ERI3: variants seen among roughly 807,000 people sequenced by gnomAD.
ERI3 encodes the protein ERI1 exoribonuclease family member 3.
ERI3 carries 18 observed loss-of-function variants against 44.4 expected under a neutral mutation model. That is an observed-to-expected ratio of 0.41 (90% confidence interval 0.28 to 0.60). The LOEUF (loss-of-function observed/expected upper bound fraction) is 0.60, where lower values mean the gene tolerates loss of function less well. Among genes scored for constraint, ERI3 ranks in the 20% least tolerant of loss-of-function variants. ERI3 has a pLI of 0.36. For missense variants in ERI3, 294 were observed against 435.5 expected, an observed-to-expected ratio of 0.68 and a Z score of 2.89; for synonymous variants, 183 against 164.8, an observed-to-expected ratio of 1.11 and a Z score of -0.84.
chr1:44,269,094 T>C (rs1645042237), intron 7 of ERI3, among the ~76,000 whole-genome samples: 1 of 152,124 alleles, frequency 6.6e-6, no homozygotes, highest in African/African-American at 2.4e-5. Flanking sequence ...GACATTGTAG[T>C]TGGTAAGGGT....
chr1:44,279,628 C>A (rs1350588931), intron 7 of ERI3, among the ~76,000 whole-genome samples: 2 of 152,186 alleles, frequency 1.3e-5, no homozygotes, highest in Non-Finnish European at 2.9e-5. Context: ...ATATGCCCCA[C>A]AATGACTTCA....
chr1:44,269,433 C>T (rs1375019372), intron 7 of ERI3, among the ~76,000 whole-genome samples: 2 of 152,352 alleles, frequency 1.3e-5, no homozygotes, highest in East Asian at 3.9e-4. Context: ...GACCACAAAT[C>T]CCATACTGGC....
chr1:44,230,955 T>C (rs1644169296), intron 8 of ERI3, among the ~76,000 whole-genome samples: 1 of 152,264 alleles, frequency 6.6e-6, no homozygotes, highest in Non-Finnish European at 1.5e-5. Flanking sequence ...TCCAAAGTGC[T>C]TGGAGACCAG....
At chr1:44,299,043 G>A (rs1049171242) in intron 6 of ERI3, among the ~76,000 whole-genome samples, 6 of 152,208 alleles carry the variant, frequency 3.9e-5, no homozygotes, top group African/African-American at 9.7e-5. Context: ...GAAGAGGCAC[G>A]AGGGAACTTT....
At chr1:44,247,812 C>G in intron 8 of ERI3, 127 bp downstream of exon 8, 3 of 640,134 alleles carry the variant, frequency 4.7e-6, no homozygotes, top group Non-Finnish European at 7.8e-6. Context: ...ACCATCCCCC[C>G]ACCTATGTAG....
In ERI3 at chr1:44,308,299, C is replaced by G; in HGVS notation, c.758+11G>C. On this transcript the variant is annotated intron_variant, in intron 6 of 8. Transcript: ENST00000372257. ...AAGCCCTGCCAGCAAAGCAGCCCTT[C>G]TCATACTCACATGACTTTTAAGTCC... 1 of 1,604,638 alleles carries G rather than the reference C, an allele frequency of 6.2e-7. No homozygotes were observed.
chr1:44,321,593 T>G (rs1240579439), intron 3 of ERI3, among the ~76,000 whole-genome samples: 1 of 152,182 alleles, frequency 6.6e-6, no homozygotes, highest in East Asian at 1.9e-4. Flanking sequence ...AAGAGCCAAC[T>G]CTGAGGTGTT....
chr1:44,291,448 T>C (rs906940468), intron 6 of ERI3, among the ~76,000 whole-genome samples: 4 of 152,178 alleles, frequency 2.6e-5, no homozygotes, highest in Non-Finnish European at 4.4e-5. Context: ...TCAAAGGCCA[T>C]TGCAGGTTTG....
intron 8 of ERI3, among the ~76,000 whole-genome samples, chr1:44,233,662 T>C (rs894346316): frequency 3.3e-5 from 5 of 152,156 alleles, no homozygotes; most frequent in African/African-American, 1.2e-4. Context: ...CACACATTAT[T>C]GAGTACTCCT....
At chr1:44,242,743 T>C (rs1022491641) in intron 8 of ERI3, among the ~76,000 whole-genome samples, 7 of 152,136 alleles carry the variant, frequency 4.6e-5, no homozygotes, top group African/African-American at 1.7e-4. Flanking sequence ...CAGAAGGAAC[T>C]CCCTGCTGGG....
In ERI3 at chr1:44,274,443, C is replaced by T. The variant is rs574947801; in HGVS notation, c.831+10392G>A. Among the ~76,000 whole-genome samples the T allele has an allele frequency of 1.8e-3, 273 of 152,084 alleles. 3 individuals are homozygous for T. The highest frequency in any genetic ancestry group is 3.5e-3 in the Non-Finnish European group (237 of 67,994). ...CCAAAGGCAACACATGTTAACAAGG[C>T]GAGGGAAGGAGTGAAAGAAATTTCA... On this transcript the variant is annotated intron_variant, in intron 7 of 8. Coordinates refer to ENST00000372257, the MANE Select transcript of ERI3 (RefSeq NM_024066.3).
chr1:44,343,790 T>C (rs191062402), intron 2 of ERI3, among the ~76,000 whole-genome samples: 6 of 152,276 alleles, frequency 3.9e-5, no homozygotes, highest in Admixed American at 3.9e-4. Context: ...GGTAGGAAAA[T>C]GTCCTTGTTT....
At chr1:44,286,784 C>T (rs768989149) in intron 6 of ERI3, among the ~76,000 whole-genome samples, 9 of 152,188 alleles carry the variant, frequency 5.9e-5, no homozygotes, top group Non-Finnish European at 1.0e-4. Flanking sequence ...ACACAGAGAA[C>T]AATACTTCCA....
intron 3 of ERI3, among the ~76,000 whole-genome samples, chr1:44,331,042 C>A (rs576219421): frequency 1.4e-4 from 21 of 152,300 alleles, no homozygotes; most frequent in African/African-American, 5.1e-4. Flanking sequence ...ACTGTCCCCG[C>A]TTTCCAACCT....
At chr1:44,227,020 C>A (rs1644061526) in intron 8 of ERI3, among the ~76,000 whole-genome samples, 1 of 152,082 alleles carries the variant, frequency 6.6e-6, no homozygotes, top group Non-Finnish European at 1.5e-5. Flanking sequence ...TATACAATTC[C>A]CATACATGTG....
At chr1:44,314,449 T>C (rs1272258186) in intron 4 of ERI3, among the ~76,000 whole-genome samples, 2 of 152,204 alleles carry the variant, frequency 1.3e-5, no homozygotes, top group Non-Finnish European at 2.9e-5. Context: ...TGTATTTTAA[T>C]TGGGTAACAG....
chr1:44,294,798 T>C (rs1416112405), intron 6 of ERI3, among the ~76,000 whole-genome samples: 1 of 152,256 alleles, frequency 6.6e-6, no homozygotes, highest in Non-Finnish European at 1.5e-5. Flanking sequence ...CCTTAGCAGA[T>C]TGAGCTGTCT....
chr1:44,272,026 C>T (rs1645097217), intron 7 of ERI3, among the ~76,000 whole-genome samples: 1 of 152,158 alleles, frequency 6.6e-6, no homozygotes, highest in African/African-American at 2.4e-5. Context: ...GATCTCCCGT[C>T]CCCCTGACTC....
Position 44,308,416 on chromosome 1 carries a change from A to G in ERI3, c.667-15T>C, listed in dbSNP as rs761457284. 1 of 1,608,906 alleles carries G rather than the reference A, an allele frequency of 6.2e-7. No individual in the cohort carries two copies. The highest frequency in any genetic ancestry group is 8.5e-7 in the Non-Finnish European group (1 of 1,175,234). On this transcript the variant is annotated splice_polypyrimidine_tract_variant and intron_variant, in intron 5 of 8. Coordinates refer to ENST00000372257, the MANE Select transcript of ERI3 (RefSeq NM_024066.3). The stretch of plus-strand genomic sequence containing the variant: ...TCATCGACCCTCTGAAAAGTACACA[A>G]GAACAAATGAGATTTTCCTTTTTTT...
Sources: allele counts gnomAD v4.1 joint callset (sites outside exome capture counted in the v4.1 genomes callset), GRCh38; gene constraint gnomAD v4.1.1; transcripts MANE v1.5; gene names NCBI Gene and HGNC (gene_info 2026-07-23, HGNC 2026-07-21).